The following SPC24 variants were observed in gnomAD, a reference collection of about 807,000 sequenced individuals.
SPC24 encodes SPC24 component of NDC80 kinetochore complex.
Under a neutral mutation model 27.6 loss-of-function variants are expected in SPC24, and 31 were observed. That is an observed-to-expected ratio of 1.12 (90% CI 0.84 to 1.52). The LOEUF (loss-of-function observed/expected upper bound fraction) is 1.52. SPC24 is among the 40% of genes most tolerant of loss of function. The probability of loss-of-function intolerance (pLI) is 0.00; values close to 1 mark genes in which losing one functional copy is unlikely to be tolerated. For missense variants in SPC24, 284 were observed against 252.5 expected (o/e 1.12, Z -0.84); for synonymous variants, 105 against 105.8 (o/e 0.99, Z 0.05).
chr19:11,150,426 C>T (rs1488420776), intron 1 of SPC24, among the ~76,000 whole-genome samples: 1 of 151,158 alleles, frequency 6.6e-6, no homozygotes, highest in African/African-American at 2.4e-5. Context: ...GCGGAGGTTG[C>T]GGTGAGCCGA....
chr19:11,147,806 C>T lies in SPC24; in HGVS notation c.487+12G>A. The T allele has an allele frequency of 6.2e-7, 1 of 1,606,718 alleles. No homozygotes were observed. The highest frequency in any genetic ancestry group is 8.5e-7 in the Non-Finnish European group (1 of 1,177,528). On this transcript the variant is annotated intron_variant, in intron 4 of 4. Coordinates refer to ENST00000592540, the MANE Select transcript of SPC24 (RefSeq NM_182513.4). ...GTGCACAAGGGTTAAAATGGCTCCC[C>T]AAAAAGGATACTGCCTTTGACCATC...
intron 1 of SPC24, among the ~76,000 whole-genome samples, chr19:11,153,380 C>T (rs917766177): frequency 4.6e-5 from 7 of 151,442 alleles, no homozygotes; most frequent in East Asian, 2.0e-4. Context: ...ACCCGGGAGA[C>T]GGAGCTCGCA....
intron 3 of SPC24, 26 bp downstream of exon 3, chr19:11,147,987 C>T (rs777515832): frequency 6.2e-7 from 1 of 1,609,224 alleles, no homozygotes. Context: ...GAGGCACAGG[C>T]AGGCACACGT....
In SPC24 at chr19:11,148,083, T is replaced by C. The variant is rs2077842529; in HGVS notation, c.340A>G (p.Ile114Val). The change falls in exon 3 of 5, where the codon ATT (isoleucine) becomes GTT (valine). Residue 114 changes from isoleucine (I) to valine (V), a missense_variant. Ile to Val is a conservative substitution (Grantham distance 29, BLOSUM62 3). Transcript: ENST00000592540. The part of the protein sequence containing the change: ...LTRELEELKE[I>V]EADLERQEKE... ...TCCTGTCGCTCCAGATCCGCCTCAA[T>C]CTCCTTGAGCTCTTCCAGCTCTCTG... is the stretch of plus-strand genomic sequence containing the variant. 1.2e-6 allele frequency: 2 copies of C among 1,613,756 alleles called. No individual in the cohort carries two copies. Among genetic ancestry groups the C allele is most frequent in the Non-Finnish European group, 1.7e-6 (2 of 1,179,844 alleles).
rs1449655487 is a variant in SPC24 at position 11,145,638 on chromosome 19, A to G, written c.*1545T>C. 1 of 152,170 alleles carries G rather than the reference A, an allele frequency of 6.6e-6. No homozygotes were observed. The highest frequency in any genetic ancestry group is 1.5e-5 in the Non-Finnish European group (1 of 68,058). The allele number at this position is 152,170 out of a possible 1,614,324, so 9.4% of individuals were successfully genotyped here. On this transcript the variant is annotated 3_prime_UTR_variant, in exon 5 of 5. Coordinates refer to ENST00000592540, the MANE Select transcript of SPC24 (RefSeq NM_182513.4). ...GTTTGTGCTGATATCTGGCTCTGCC[A>G]TCATCAGGGAACCAGGCTCCTGTCA...
rs71164155 is a variant in SPC24 at position 11,147,080 on chromosome 19, C to CAA, written c.*101_*102dup. On this transcript the variant is annotated 3_prime_UTR_variant, in exon 5 of 5. Transcript: ENST00000592540. ...GGACAACAAGAGTGAAACTCTGTCT[C>CAA]AAAAAAAAAAAAAAAAAGATCTATG... The CAA allele has an allele frequency of 0.13, 52,552 of 394,756 alleles. 2,227 individuals carry two copies. Among genetic ancestry groups the CAA allele is most frequent in the East Asian group, 0.24 (4,587 of 19,330 alleles). The allele number at this position is 394,756 out of a possible 1,614,324, so 24.5% of individuals were successfully genotyped here.
At position 11,149,977 on chromosome 19, in the gene SPC24, T is replaced by C. The variant is rs193292599; in HGVS notation, c.161-739A>G. On this transcript the variant is annotated intron_variant, in intron 1 of 4. Coordinates refer to ENST00000592540, the MANE Select transcript of SPC24 (RefSeq NM_182513.4). ...CACCCGCCTCAGCTTCCCAAAGTGC[T>C]GGGATTACAGGCGTGAGCCACTGCG... Among the ~76,000 whole-genome samples the C allele has an allele frequency of 3.4e-3, 509 of 151,684 alleles. 2 individuals carry two copies. Among genetic ancestry groups the C allele is most frequent in the African/African-American group, 0.011 (472 of 41,434 alleles).
At chr19:11,151,162 C>CAAAAAA (rs397859905) in intron 1 of SPC24, among the ~76,000 whole-genome samples, 3 of 88,776 alleles carry the variant, frequency 3.4e-5, no homozygotes, top group Admixed American at 1.5e-4. Context: ...GACTCCGTCT[C>CAAAAAA]AAAAAAAAAA....
rs1237973481 is a variant in SPC24, at chr19:11,155,680, G to T, written c.97C>A (p.Arg33Ser). 2 of 1,558,912 alleles carry T rather than the reference G, an allele frequency of 1.3e-6. No individual in the cohort carries two copies. Among genetic ancestry groups the T allele is most frequent in the South Asian group, 1.2e-5 (1 of 85,788 alleles). ...AEAQQRRLLG[R>S]HEQVVERLLE... ...AGCCGCTCCACCACCTGCTCGTGGC[G>T]CCCCAGCAGCCGTCGCTGCTGCGCC... Residue 33 changes from arginine to serine, a missense_variant, in exon 1 of 5, where the codon CGC (arginine) becomes AGC (serine). Physicochemically the swap from Arg to Ser is moderately radical, Grantham distance 110 (BLOSUM62 -1). Transcript: ENST00000592540.
chr19:11,154,279 CCT>C (rs1265234339), intron 1 of SPC24, among the ~76,000 whole-genome samples: 1 of 152,146 alleles, frequency 6.6e-6, no homozygotes, highest in East Asian at 1.9e-4. Context: ...GTGGCTCACC[CCT>C]GTCATCCCAG....
chr19:11,155,547 G>C lies in SPC24; in HGVS notation c.160+70C>G. ...CCAGGAGAGAAGGGGTTTTGAGGTG[G>C]GCCTGGTCGCCCCCTCCCAGCACCC... On this transcript the variant is annotated intron_variant, in intron 1 of 4. Coordinates refer to ENST00000592540, the MANE Select transcript of SPC24 (RefSeq NM_182513.4). 2.0e-6 allele frequency: 3 copies of C among 1,479,284 alleles called. No homozygotes were observed. The South Asian group carries it at 3.9e-5, about 19-fold the overall frequency. 91.6% of individuals were successfully genotyped at this position (1,479,284 alleles called of 1,614,324 possible). A position where few individuals can be genotyped will look rare whatever the true frequency, so the allele number is the denominator to read the frequency against.
chr19:11,150,133 G>A (rs887069343), intron 1 of SPC24, among the ~76,000 whole-genome samples: 1 of 145,344 alleles, frequency 6.9e-6, no homozygotes, highest in Admixed American at 7.0e-5. Context: ...GCTGCAGTGA[G>A]CCGAGATCGT....
In SPC24 at chr19:11,146,104, G is replaced by A. The variant is rs1171291856; in HGVS notation, c.*1079C>T. On this transcript the variant is annotated 3_prime_UTR_variant, in exon 5 of 5. Transcript: ENST00000592540. Reference sequence around the variant, plus strand: ...AAAAGTCGCTTCTGTCCTCCATGAAGCCTGCACACTCTGGTGTGGCTCCTG... The same window carrying A: ...AAAAGTCGCTTCTGTCCTCCATGAAACCTGCACACTCTGGTGTGGCTCCTG... 6.6e-6 allele frequency: 1 copy of A among 152,074 alleles called. No homozygotes were observed. The highest frequency in any genetic ancestry group is 1.9e-4 in the East Asian group (1 of 5,170). The allele number at this position is 152,074 out of a possible 1,614,324, so 9.4% of individuals were successfully genotyped here.
At chr19:11,149,856 G>A (rs900847955) in intron 1 of SPC24, among the ~76,000 whole-genome samples, 1 of 151,382 alleles carries the variant, frequency 6.6e-6, no homozygotes, top group African/African-American at 2.4e-5. Context: ...GATTACATGC[G>A]CCTGCCACGA....
At chr19:11,151,035 C>T (rs576125866) in intron 1 of SPC24, among the ~76,000 whole-genome samples, 59 of 151,720 alleles carry the variant, frequency 3.9e-4, no homozygotes, top group African/African-American at 1.1e-3. Flanking sequence ...TGGCGGAGGG[C>T]GCCTGTAGTC....
Position 11,146,481 on chromosome 19 carries a change from A to AAAAAAAAAAAAAAAAAAAAAAAAAAAC in SPC24, c.*701_*702insGTTTTTTTTTTTTTTTTTTTTTTTTTT, listed in dbSNP as rs2077824422. 6.8e-6 allele frequency: 1 copy of AAAAAAAAAAAAAAAAAAAAAAAAAAAC among 147,014 alleles called. No homozygotes were observed. Among genetic ancestry groups the AAAAAAAAAAAAAAAAAAAAAAAAAAAC allele is most frequent in the African/African-American group, 2.5e-5 (1 of 39,930 alleles). The allele number at this position is 147,014 out of a possible 1,614,324, so 9.1% of individuals were successfully genotyped here. A position where few individuals can be genotyped will look rare whatever the true frequency, so the allele number is the denominator to read the frequency against. The stretch of plus-strand genomic sequence containing the variant: ...GAAATCCAGTAAAAAAAAAAAAAAA[A>AAAAAAAAAAAAAAAAAAAAAAAAAAAC]AAGGCCAGGCGCGGTGACTCACACC... On this transcript the variant is annotated 3_prime_UTR_variant, in exon 5 of 5. Transcript: ENST00000592540.
In SPC24 at chr19:11,148,021, G is replaced by A. The variant is rs751825547; in HGVS notation, c.402C>T (p.Pro134=). ...EVDEDTTVTI[P]SAVYVAQLYH... Reference sequence around the variant, plus strand: ...GTTTTGGCAGAACCTACACGGCCGAGGGGATTGTGACTGTCGTGTCCTCGT... The same window carrying A: ...GTTTTGGCAGAACCTACACGGCCGAAGGGATTGTGACTGTCGTGTCCTCGT... Residue 134 remains proline, a synonymous_variant, in exon 3 of 5, where the codon CCC becomes CCT. Transcript: ENST00000592540. The A allele has an allele frequency of 6.2e-7, 1 of 1,613,524 alleles. No individual in the cohort carries two copies. The highest frequency in any genetic ancestry group is 2.2e-5 in the East Asian group (1 of 44,886).
At chr19:11,149,358 C>A in intron 1 of SPC24, 120 bp from the exon 2 acceptor site, 1 of 889,788 alleles carries the variant, frequency 1.1e-6, no homozygotes, top group South Asian at 2.8e-5. Flanking sequence ...AGCCCTGTGT[C>A]CAGAGAGTTC....
intron 1 of SPC24, among the ~76,000 whole-genome samples, chr19:11,149,656 A>G (rs2077855231): frequency 2.6e-5 from 4 of 151,826 alleles, no homozygotes; most frequent in Admixed American, 2.6e-4. Flanking sequence ...CGAAGTGGGC[A>G]GATCACCTAA....
Sources: gnomAD v4.1 joint callset for allele counts (sites outside exome capture counted in the v4.1 genomes callset) on GRCh38, gnomAD v4.1.1 for gene constraint, MANE v1.5 for transcripts, NCBI Gene and HGNC (gene_info 2026-07-23, HGNC 2026-07-21) for gene names.